The following TET2 variants were observed in gnomAD, a reference collection of about 807,000 sequenced individuals.
TET2 encodes tet methylcytosine dioxygenase 2.
In TET2, 299 loss-of-function variants were observed where a neutral mutation model predicts 142.9. The ratio of observed to expected loss-of-function variants is 2.09; its 90% CI spans 1.90 to 2.30. TET2 has a LOEUF of 2.30. Ranked by LOEUF, TET2 falls within the 30% of genes most tolerant of loss-of-function variation. The probability of loss-of-function intolerance (pLI) is 0.00; values close to 1 mark genes in which losing one functional copy is unlikely to be tolerated. For synonymous variants in TET2, 819 were observed against 849.0 expected (o/e 0.96, Z 0.61); for missense variants, 2,418 against 2,378.0 (o/e 1.02, Z -0.35).
chr4:105,229,502 T>G (rs11935721), intron 2 of TET2, among the ~76,000 whole-genome samples: 13,770 of 151,818 alleles, frequency 0.091, 1,781 homozygotes, highest in African/African-American at 0.29. Flanking sequence ...GTAGTGGCGG[T>G]GTTTGACCAC....
At chr4:105,262,778 G>C (rs987912577) in intron 8 of TET2, among the ~76,000 whole-genome samples, 7 of 151,992 alleles carry the variant, frequency 4.6e-5, no homozygotes, top group Non-Finnish European at 1.0e-4. Context: ...CTACTCGGAA[G>C]GCTAAGGCAG....
chr4:105,177,543 G>A (rs965375487), intron 1 of TET2: 42 of 152,172 alleles, frequency 2.8e-4, no homozygotes, highest in Admixed American at 2.7e-3. Flanking sequence ...AAACATCATA[G>A]TCATTAGGGT....
At chr4:105,185,703 G>A (rs554464328) in intron 1 of TET2, among the ~76,000 whole-genome samples, 9 of 152,114 alleles carry the variant, frequency 5.9e-5, no homozygotes, top group Admixed American at 2.0e-4. Context: ...GGCGTGAACC[G>A]GGGAGGCGGA....
rs1728997010 is a variant in TET2, at chr4:105,237,186, G to C, written c.3244G>C (p.Glu1082Gln). Residue 1082 changes from glutamate (E) to glutamine (Q), a missense_variant, in exon 3 of 11, where the codon GAG becomes CAG. Coordinates refer to ENST00000380013, the MANE Select transcript of TET2 (RefSeq NM_001127208.3). ...ACTTGATAGCCACACCCCAGCTTTA[G>C]AGCAGCAAACAACTTCTTCAGAAAA... ...AELDSHTPAL[E>Q]QQTTSSEKTP... is the part of the protein sequence containing the mutation. The C allele has an allele frequency of 1.2e-6, 2 of 1,614,090 alleles. No homozygotes were observed. The highest frequency in any genetic ancestry group is 2.2e-5 in the South Asian group (2 of 91,088).
At chr4:105,212,367 A>G (rs935862453) in intron 2 of TET2, among the ~76,000 whole-genome samples, 2 of 152,190 alleles carry the variant, frequency 1.3e-5, no homozygotes, top group Non-Finnish European at 2.9e-5. Context: ...CAACTAATAA[A>G]ATAATAAGCT....
chr4:105,216,873 G>A (rs570904479), intron 2 of TET2, among the ~76,000 whole-genome samples: 10 of 152,168 alleles, frequency 6.6e-5, no homozygotes, highest in African/African-American at 2.4e-4. Flanking sequence ...ATCATACAGC[G>A]TGATGTGAAT....
rs568678283 is a variant in TET2 at position 105,265,200 on chromosome 4, A to G, written c.4044+3352A>G. Reference sequence around the variant, plus strand: ...TTCTATGAAGATGGAAATATTCTCTATTTATGCTGTTCAGTGTAATAGGCA... The same window carrying G: ...TTCTATGAAGATGGAAATATTCTCTGTTTATGCTGTTCAGTGTAATAGGCA... On this transcript the variant is annotated intron_variant, in intron 8 of 10. Coordinates refer to ENST00000380013, the MANE Select transcript of TET2 (RefSeq NM_001127208.3). Among the ~76,000 whole-genome samples, 7 of 152,314 alleles carry G rather than the reference A, an allele frequency of 4.6e-5. No homozygotes were observed. The East Asian group carries it at 1.3e-3, about 29-fold the overall frequency.
At chr4:105,211,771 T>G (rs998063595) in intron 2 of TET2, among the ~76,000 whole-genome samples, 6 of 152,236 alleles carry the variant, frequency 3.9e-5, no homozygotes, top group African/African-American at 1.4e-4. Flanking sequence ...TGCATGCCTG[T>G]TTGGGGAATA....
chr4:105,218,000 G>A (rs1046929363), intron 2 of TET2, among the ~76,000 whole-genome samples: 1 of 152,002 alleles, frequency 6.6e-6, no homozygotes, highest in Non-Finnish European at 1.5e-5. Flanking sequence ...CTCGAGTGAA[G>A]GAAATTGAGT....
intron 4 of TET2, chr4:105,242,296 T>C (rs1729349103): frequency 1.9e-6 from 2 of 1,080,110 alleles, no homozygotes; most frequent in African/African-American, 3.3e-5. Context: ...TTTTGTTTTT[T>C]AAACAAGCAG....
intron 1 of TET2, among the ~76,000 whole-genome samples, chr4:105,165,114 C>A (rs998778683): frequency 6.6e-6 from 1 of 152,116 alleles, no homozygotes; most frequent in Non-Finnish European, 1.5e-5. Flanking sequence ...GTGGCTCAGA[C>A]CTGTAATTCC....
chr4:105,256,767 G>C (rs1051676240), intron 6 of TET2, among the ~76,000 whole-genome samples: 5 of 152,010 alleles, frequency 3.3e-5, no homozygotes, highest in African/African-American at 1.2e-4. Flanking sequence ...GATCTCTGAG[G>C]TTCTGTTTAT....
rs534309433 is a variant in TET2, at chr4:105,269,662, G to T, written c.4097G>T (p.Arg1366Leu). 1 of 1,551,570 alleles carries T rather than the reference G, an allele frequency of 6.4e-7. No individual in the cohort carries two copies. Among genetic ancestry groups the T allele is most frequent in the Non-Finnish European group, 8.7e-7 (1 of 1,146,936 alleles). ...TGCCGTCTGGGTCTGAAGGAAGGCC[G>T]TCCATTCTCAGGGGTCACTGCATGT... ...PECRLGLKEG[R>L]PFSGVTACLD... Residue 1366 changes from arginine (R) to leucine (L), a missense_variant, in exon 9 of 11, where the codon CGT becomes CTT. By Grantham distance (102) the Arg-to-Leu change is moderately radical. Transcript: ENST00000380013.
Position 105,242,845 on chromosome 4 carries a change from AGG to A in TET2, c.3514_3515del (p.Gly1172Ter). 1 of 1,551,010 alleles carries A rather than the reference AGG, an allele frequency of 6.4e-7. No individual in the cohort carries two copies. The highest frequency in any genetic ancestry group is 8.7e-7 in the Non-Finnish European group (1 of 1,146,752). On this transcript the variant is annotated frameshift_variant, in exon 5 of 11. Transcript: ENST00000380013. LOFTEE classifies it high-confidence loss of function. ...TGGGTTTCTTTAAGGTTTGGACAGA[AGG>A]GTAAAGCTATTAGGATTGAAAGAGT... is the stretch of plus-strand genomic sequence containing the variant.
intron 4 of TET2, chr4:105,241,947 T>C (rs1578688963): frequency 2.5e-6 from 3 of 1,214,412 alleles, no homozygotes; most frequent in Non-Finnish European, 3.1e-6. Context: ...CCTTTTTTTT[T>C]TTTTTTCGCT....
At chr4:105,193,269 T>C (rs1725892477) in intron 2 of TET2, among the ~76,000 whole-genome samples, 1 of 151,966 alleles carries the variant, frequency 6.6e-6, no homozygotes, top group East Asian at 1.9e-4. Context: ...AATGTTGGCC[T>C]TTAGGGCAGG....
Position 105,234,029 on chromosome 4 carries a change from T to C in TET2, c.87T>C (p.Pro29=). The change falls in exon 3 of 11, where the codon CCT becomes CCC. Residue 29 remains proline (P), a synonymous_variant. Coordinates refer to ENST00000380013, the MANE Select transcript of TET2 (RefSeq NM_001127208.3). ...IPSPPICQTE[P]LATKLQNGSP... ...CACCTCCCATTTGCCAGACAGAACC[T>C]CTGGCTACAAAGCTCCAGAATGGAA... The C allele has an allele frequency of 6.2e-7, 1 of 1,614,090 alleles. No individual in the cohort carries two copies. Among genetic ancestry groups the C allele is most frequent in the Non-Finnish European group, 8.5e-7 (1 of 1,179,990 alleles).
chr4:105,203,462 G>A (rs1726596423), intron 2 of TET2, among the ~76,000 whole-genome samples: 1 of 151,920 alleles, frequency 6.6e-6, no homozygotes. Flanking sequence ...TCAGACAAAG[G>A]TCTTTGTATA....
At chr4:105,162,912 A>G (rs535647497) in intron 1 of TET2, among the ~76,000 whole-genome samples, 2 of 152,322 alleles carry the variant, frequency 1.3e-5, no homozygotes, top group Admixed American at 6.5e-5. Flanking sequence ...TGATAAAGAG[A>G]AAGAAAAGGT....
Sources: allele counts gnomAD v4.1 joint callset (sites outside exome capture counted in the v4.1 genomes callset), GRCh38; gene constraint gnomAD v4.1.1; transcripts MANE v1.5; gene names NCBI Gene and HGNC (gene_info 2026-07-23, HGNC 2026-07-21).